The following ATP10B variants were observed in gnomAD, a reference collection of about 807,000 sequenced individuals.
ATP10B encodes the protein ATPase phospholipid transporting 10B (putative), also known as phospholipid-transporting ATPase VB.
A neutral mutation model predicts 141.2 loss-of-function variants in ATP10B; 122 were observed. That is an observed-to-expected ratio of 0.86 (90% CI 0.75 to 1.00). ATP10B has a LOEUF of 1.00. Ranked by LOEUF, ATP10B falls within the 50% of genes least tolerant of loss-of-function variation. The pLI, the probability that ATP10B is intolerant of heterozygous loss-of-function variation, is 0.00. For missense variants in ATP10B, 1,876 were observed against 1,825.3 expected (o/e 1.03, Z -0.51); for synonymous variants, 685 against 692.0 (o/e 0.99, Z 0.16).
At chr5:160,661,962 A>T (rs530579915) in intron 7 of ATP10B, among the ~76,000 whole-genome samples, 1 of 152,336 alleles carries the variant, frequency 6.6e-6, no homozygotes, top group African/African-American at 2.4e-5. Context: ...TCAGGATACA[A>T]AATCAATGTA....
intron 2 of ATP10B, among the ~76,000 whole-genome samples, chr5:160,763,143 A>T (rs1446255391): frequency 6.6e-6 from 1 of 152,152 alleles, no homozygotes; most frequent in East Asian, 1.9e-4. Context: ...GACTGACAGC[A>T]CTAGACGGGA....
intron 24 of ATP10B, among the ~76,000 whole-genome samples, chr5:160,573,289 T>C (rs1754992872): frequency 6.6e-6 from 1 of 152,220 alleles, no homozygotes; most frequent in Non-Finnish European, 1.5e-5. Context: ...CTGAACCAGA[T>C]GCTGAATCAG....
At chr5:160,834,899 T>A (rs928487754) in intron 1 of ATP10B, among the ~76,000 whole-genome samples, 1 of 152,170 alleles carries the variant, frequency 6.6e-6, no homozygotes, top group Admixed American at 6.6e-5. Flanking sequence ...TCTGTATGCA[T>A]CTATAGCACC....
intron 3 of ATP10B, among the ~76,000 whole-genome samples, chr5:160,704,829 G>A (rs1764884848): frequency 1.3e-5 from 2 of 150,688 alleles, no homozygotes; most frequent in Non-Finnish European, 2.9e-5. Context: ...TCACCTTGCA[G>A]TCTCGCAGTT....
At chr5:160,742,324 A>T (rs1287776334) in intron 2 of ATP10B, among the ~76,000 whole-genome samples, 2 of 152,078 alleles carry the variant, frequency 1.3e-5, no homozygotes, top group African/African-American at 4.8e-5. Context: ...TGTTACTCAC[A>T]TCCTTCACTG....
the ATP10B span, among the ~76,000 whole-genome samples, chr5:160,868,768 G>A: frequency 1.3e-5 from 2 of 152,062 alleles, no homozygotes; most frequent in African/African-American, 4.8e-5. Flanking sequence ...AACTTTCCAA[G>A]AATATTTGAT....
At chr5:160,910,403 C>T in the ATP10B span, among the ~76,000 whole-genome samples, 38 of 152,308 alleles carry the variant, frequency 2.5e-4, no homozygotes, top group African/African-American at 8.7e-4. Context: ...AGAAGGAGAG[C>T]TCCATGAGAG....
Position 160,591,214 on chromosome 5 carries a change from T to C in ATP10B, c.3565-75A>G, listed in dbSNP as rs888676494. The C allele has an allele frequency of 1.8e-5, 23 of 1,260,962 alleles. No individual in the cohort carries two copies. In the East Asian group the frequency reaches 1.9e-4, roughly 10 times the overall value. 78.1% of individuals were successfully genotyped at this position (1,260,962 alleles called of 1,614,324 possible). A position where few individuals can be genotyped will look rare whatever the true frequency, so the allele number is the denominator to read the frequency against. On this transcript the variant is annotated intron_variant, in intron 22 of 25. Transcript: ENST00000327245. ...ATTCTTTGCAAGCAACTTTCTTGCA[T>C]GTGGCTGCGACAGACAACCAGACGC...
At chr5:160,919,223 C>CA in the ATP10B span, among the ~76,000 whole-genome samples, 379 of 26,842 alleles carry the variant, frequency 0.014, 22 homozygotes, top group Middle Eastern at 0.05. Context: ...AACTCCGTCT[C>CA]AAAAAAAAAA....
intron 1 of ATP10B, among the ~76,000 whole-genome samples, chr5:160,835,119 CAG>C (rs1039594871): frequency 3.8e-4 from 58 of 152,012 alleles, no homozygotes; most frequent in African/African-American, 1.3e-3. Flanking sequence ...GGAGCTGAAA[CAG>C]AGATAATTCC....
chr5:160,669,061 C>A (rs1012061042), intron 7 of ATP10B, among the ~76,000 whole-genome samples: 2 of 152,218 alleles, frequency 1.3e-5, no homozygotes, highest in Non-Finnish European at 2.9e-5. Flanking sequence ...CTGACTCATT[C>A]CATTTCTCCC....
intron 12 of ATP10B, chr5:160,633,839 C>T (rs1759124738): frequency 7.7e-6 from 2 of 259,010 alleles, no homozygotes; most frequent in Non-Finnish European, 1.5e-5. Context: ...TGCAAGGTAA[C>T]AGTCCAGGCA....
chr5:160,572,021 G>T (rs556108384), intron 24 of ATP10B, among the ~76,000 whole-genome samples: 1 of 152,180 alleles, frequency 6.6e-6, no homozygotes, highest in Non-Finnish European at 1.5e-5. Flanking sequence ...CCTAGGTATT[G>T]ATTTCTGAAA....
intron 1 of ATP10B, among the ~76,000 whole-genome samples, chr5:160,798,843 C>T (rs565359531): frequency 1.9e-4 from 28 of 150,680 alleles, no homozygotes; most frequent in East Asian, 5.9e-4. Flanking sequence ...CTCTGCCTCC[C>T]GGGTTTCAAG....
the ATP10B span, among the ~76,000 whole-genome samples, chr5:160,925,700 AC>A: frequency 6.6e-6 from 1 of 152,262 alleles, no homozygotes; most frequent in Non-Finnish European, 1.5e-5. Flanking sequence ...AGCCTTGTAA[AC>A]AATGTGTACT....
upstream of ATP10B, among the ~76,000 whole-genome samples, chr5:160,855,574 T>TA (rs536213734): frequency 1.3e-3 from 197 of 152,058 alleles, 1 homozygote; most frequent in Non-Finnish European, 1.3e-3. Flanking sequence ...ACTTATCTTT[T>TA]TATCCCCTTC....
At chr5:160,581,780 G>A (rs1353131038) in intron 24 of ATP10B, among the ~76,000 whole-genome samples, 5 of 152,182 alleles carry the variant, frequency 3.3e-5, no homozygotes, top group Non-Finnish European at 5.9e-5. Context: ...TTGTATGGGA[G>A]TCTAAGTCTC....
At chr5:160,680,093 A>C (rs923709859) in intron 6 of ATP10B, among the ~76,000 whole-genome samples, 6 of 152,198 alleles carry the variant, frequency 3.9e-5, no homozygotes, top group African/African-American at 1.4e-4. Flanking sequence ...GCTGTTTGTA[A>C]AAAGACATTT....
At chr5:160,887,621 A>G in the ATP10B span, among the ~76,000 whole-genome samples, 2 of 152,032 alleles carry the variant, frequency 1.3e-5, no homozygotes, top group African/African-American at 2.4e-5. Flanking sequence ...TCTGACCTCA[A>G]CCTTGCTGTG....
Sources: gnomAD v4.1 joint callset for allele counts (sites outside exome capture counted in the v4.1 genomes callset) on GRCh38, gnomAD v4.1.1 for gene constraint, MANE v1.5 for transcripts, NCBI Gene and HGNC (gene_info 2026-07-23, HGNC 2026-07-21) for gene names.